Variants in FAM83G observed in about 807,000 individuals in gnomAD.
FAM83G encodes scaffolding CK1 anchoring protein G.
A neutral mutation model predicts 61.5 loss-of-function variants in FAM83G; 38 were observed. The ratio of observed to expected loss-of-function variants is 0.62; its 90% CI spans 0.48 to 0.81. The LOEUF (loss-of-function observed/expected upper bound fraction) is 0.81, where lower values mean the gene tolerates loss of function less well. Among genes scored for constraint, FAM83G ranks in the 30% least tolerant of loss-of-function variants. FAM83G has a pLI of 0.00. For synonymous variants in FAM83G, 470 were observed against 476.1 expected (o/e 0.99, Z 0.17); for missense variants, 989 against 1,133.6 (o/e 0.87, Z 1.83).
chr17:18,979,407 G>T, intron 4 of FAM83G, 142 bp downstream of exon 4: 1 of 977,084 alleles, frequency 1.0e-6, no homozygotes, highest in Non-Finnish European at 1.5e-6. Context: ...CAGACAGGCG[G>T]GCAGATGTGC....
At chr17:18,992,394 G>C (rs2043450091) in intron 2 of FAM83G, among the ~76,000 whole-genome samples, 2 of 152,198 alleles carry the variant, frequency 1.3e-5, no homozygotes, top group Non-Finnish European at 2.9e-5. Context: ...CCAACACCTG[G>C]GCAGTGACCG....
At chr17:18,972,615 C>T (rs930515790) in intron 5 of FAM83G, among the ~76,000 whole-genome samples, 1 of 152,172 alleles carries the variant, frequency 6.6e-6, no homozygotes, top group African/African-American at 2.4e-5. Context: ...GTAATCCCAG[C>T]ACTTTGGGAG....
intron 5 of FAM83G, among the ~76,000 whole-genome samples, chr17:18,973,887 T>G (rs1230487572): frequency 8.6e-6 from 1 of 115,812 alleles, no homozygotes; most frequent in Non-Finnish European, 1.8e-5. Context: ...TTTTTAAGTT[T>G]TTTTTTTTTT....
intron 2 of FAM83G, among the ~76,000 whole-genome samples, chr17:18,993,458 C>T (rs527412500): frequency 8.4e-4 from 128 of 152,258 alleles, no homozygotes; most frequent in African/African-American, 2.7e-3. Flanking sequence ...CCAACCTGCA[C>T]GTGACAAGCC....
At position 19,003,655 on chromosome 17, in the gene FAM83G, C is replaced by T; in HGVS notation, c.387G>A (p.Pro129=). 1 of 1,611,962 alleles carries T rather than the reference C, an allele frequency of 6.2e-7. No individual in the cohort carries two copies. The highest frequency in any genetic ancestry group is 8.5e-7 in the Non-Finnish European group (1 of 1,179,420). Residue 129 remains proline, a synonymous_variant, in exon 2 of 6, where the codon CCG becomes CCA. Coordinates refer to ENST00000388995, the MANE Select transcript of FAM83G (RefSeq NM_001039999.3). This position sits in a 1 kb window ranked among gnomAD's most constrained non-coding sequence, Gnocchi z 4.5. ...TGTCGGGCCAGCCCAGGTCCAGCTG[C>T]GGGATGGAGCGGTCCGACTTCTGGG... ...YWPQKSDRSI[P]QLDLGWPDTI...
intron 3 of FAM83G, among the ~76,000 whole-genome samples, chr17:18,984,462 G>C (rs1007027030): frequency 1.3e-5 from 2 of 152,190 alleles, no homozygotes; most frequent in Non-Finnish European, 2.9e-5. Context: ...GCAGCGGAAG[G>C]GCTGGGTCGT....
upstream of FAM83G, among the ~76,000 whole-genome samples, chr17:19,005,655 C>A (rs185868539): frequency 3.3e-5 from 5 of 151,966 alleles, no homozygotes; most frequent in South Asian, 2.1e-4. Context: ...AAACCCCCCC[C>A]CTCCAAGGCC....
chr17:18,976,583 G>A (rs906454628), intron 5 of FAM83G: 1 of 442,426 alleles, frequency 2.3e-6, no homozygotes, highest in Non-Finnish European at 4.0e-6. Context: ...TGGTGGGCTG[G>A]GCAGGATCCA....
chr17:18,979,296 G>A (rs1477619053), intron 4 of FAM83G: 3 of 536,854 alleles, frequency 5.6e-6, no homozygotes, highest in South Asian at 2.3e-5. Context: ...ATAGGCTTGC[G>A]AAGGCACGGC....
In FAM83G at chr17:18,971,670, G is replaced by A. The variant is rs77608386; in HGVS notation, c.2161C>T (p.Arg721Cys). 48 of 1,611,644 alleles carry A rather than the reference G, an allele frequency of 3.0e-5. No individual in the cohort carries two copies. Among genetic ancestry groups the A allele is most frequent in the South Asian group, 7.7e-5 (7 of 91,006 alleles). The change falls in exon 6 of 6, where the codon CGC (arginine) becomes TGC (cysteine). Residue 721 changes from arginine (R) to cysteine (C), a missense_variant. By Grantham distance (180) the Arg-to-Cys change is radical. Around this residue, in one of 3 missense-constraint regions of FAM83G, gnomAD observed 574 missense variants for 645.1 expected, o/e 0.89. Coordinates refer to ENST00000388995, the MANE Select transcript of FAM83G (RefSeq NM_001039999.3). The surrounding 1 kb of genome is among the most constrained non-coding windows in gnomAD (Gnocchi z 5.5). ...KDGFPGPPRY[R>C]SAADSVQSST... The stretch of plus-strand genomic sequence containing the variant: ...CTCTGGACGCTGTCAGCAGCAGAGC[G>A]GTACCTAGGGGGTCCTGGGAAGCCG...
At chr17:18,986,994 T>C (rs2043286974) in intron 3 of FAM83G, among the ~76,000 whole-genome samples, 1 of 151,972 alleles carries the variant, frequency 6.6e-6, no homozygotes, top group Admixed American at 6.5e-5. Flanking sequence ...GAGACCACAT[T>C]AAAAATGTCC....
chr17:19,004,983 G>A (rs1227226749), upstream of FAM83G, among the ~76,000 whole-genome samples: 1 of 152,202 alleles, frequency 6.6e-6, no homozygotes, highest in African/African-American at 2.4e-5. This position sits in a 1 kb window ranked among gnomAD's most constrained non-coding sequence, Gnocchi z 5.4. Context: ...TCCCAGAGAG[G>A]GACAGTGTTC....
intron 3 of FAM83G, 83 bp from the exon 4 acceptor site, chr17:18,979,756 C>T: frequency 6.6e-7 from 1 of 1,515,758 alleles, no homozygotes; most frequent in South Asian, 1.1e-5. Flanking sequence ...CTGCCCAGGG[C>T]TCAGAGGGGA....
Position 18,972,845 on chromosome 17 carries a change from G to A in FAM83G, c.2083-1097C>T, listed in dbSNP as rs35121271. On this transcript the variant is annotated intron_variant, in intron 5 of 5. Coordinates refer to ENST00000388995, the MANE Select transcript of FAM83G (RefSeq NM_001039999.3). ...GATTGTGCCACTGCACTCCAGCCTG[G>A]GGGACAGAGCGAGACTCCGTCTAAA... Among the ~76,000 whole-genome samples the A allele has an allele frequency of 5.6e-3, 844 of 151,168 alleles. 5 individuals carry two copies. The highest frequency in any genetic ancestry group is 9.0e-3 in the Non-Finnish European group (613 of 67,750).
Position 18,978,121 on chromosome 17 carries a change from T to C in FAM83G, c.1545A>G (p.Val515=). 1 of 1,518,462 alleles carries C rather than the reference T, an allele frequency of 6.6e-7. No individual in the cohort carries two copies. The allele number at this position is 1,518,462 out of a possible 1,614,324, so 94.1% of individuals were successfully genotyped here. A position where few individuals can be genotyped will look rare whatever the true frequency, so the allele number is the denominator to read the frequency against. ...CAATATCACTGCTGTCCCGGGCTAG[T>C]ACATCTGCCACAGGGACTGTCCGGG... The part of the protein sequence containing the change: ...PKPRTVPVAD[V]LARDSSDIGW... The change falls in exon 5 of 6, where the codon GTA becomes GTG. Residue 515 remains valine, a synonymous_variant. Transcript: ENST00000388995.
Position 18,969,096 on chromosome 17 carries a change from C to A in FAM83G, c.*2263G>T. 1 of 1,614,142 alleles carries A rather than the reference C, an allele frequency of 6.2e-7. No individual in the cohort carries two copies. The highest frequency in any genetic ancestry group is 1.1e-5 in the South Asian group (1 of 91,080). ...CTCTGTTTGTGCACATCTGCCTGGG[C>A]TGGAACTTCTACCTCTCCACCATCC... is the stretch of plus-strand genomic sequence containing the variant. On this transcript the variant is annotated 3_prime_UTR_variant, in exon 6 of 6. Transcript: ENST00000388995.
chr17:18,973,807 C>G (rs573069302), intron 5 of FAM83G, among the ~76,000 whole-genome samples: 3 of 152,166 alleles, frequency 2.0e-5, no homozygotes, highest in Non-Finnish European at 2.9e-5. Flanking sequence ...AAGTGATTCT[C>G]CTGTCTCAGC....
At chr17:18,988,892 C>T (rs565833074) in intron 2 of FAM83G, among the ~76,000 whole-genome samples, 16 of 152,308 alleles carry the variant, frequency 1.1e-4, no homozygotes, top group African/African-American at 3.8e-4. Context: ...AGGGTGGGGC[C>T]CCAGTGGTCA....
At chr17:19,001,584 C>A (rs964837629) in intron 2 of FAM83G, among the ~76,000 whole-genome samples, 2 of 152,226 alleles carry the variant, frequency 1.3e-5, no homozygotes, top group African/African-American at 4.8e-5. Flanking sequence ...AGACAGGTGA[C>A]AGCAATCACC....
Sources: allele counts gnomAD v4.1 joint callset (sites outside exome capture counted in the v4.1 genomes callset), GRCh38; gene constraint gnomAD v4.1.1; regional missense constraint gnomAD v4.1.1; non-coding constraint Gnocchi (gnomAD v3.1); transcripts MANE v1.5; gene names NCBI Gene and HGNC (gene_info 2026-07-23, HGNC 2026-07-21).